The following SLC9A9 variants were observed in gnomAD, a reference collection of about 807,000 sequenced individuals.
SLC9A9 encodes the protein solute carrier family 9 member A9.
In SLC9A9, 62 loss-of-function variants were observed where a neutral mutation model predicts 77.8. The observed-to-expected ratio is 0.80, with a 90% confidence interval of 0.65 to 0.98. The LOEUF (loss-of-function observed/expected upper bound fraction) is 0.98, where lower values mean the gene tolerates loss of function less well. Ranked by LOEUF, SLC9A9 falls within the 50% of genes least tolerant of loss-of-function variation. The probability of loss-of-function intolerance (pLI) is 0.00; values close to 1 mark genes in which losing one functional copy is unlikely to be tolerated. For synonymous variants in SLC9A9, 320 were observed against 283.5 expected (o/e 1.13, Z -1.29); for missense variants, 775 against 774.9 (o/e 1.00, Z 0.00).
At chr3:143,517,490 A>G in intron 9 of SLC9A9, 2 of 1,597,632 alleles carry the variant, frequency 1.3e-6, no homozygotes, top group Admixed American at 1.7e-5. Flanking sequence ...TCTTTCTTTG[A>G]TCTCTCGCTC....
chr3:143,774,160 G>A (rs2108842173), intron 4 of SLC9A9, among the ~76,000 whole-genome samples: 1 of 152,210 alleles, frequency 6.6e-6, no homozygotes, highest in Middle Eastern at 3.4e-3. Context: ...ATGCTACTAC[G>A]TAGCATCCAT....
chr3:143,589,664 T>C (rs2108676900), intron 6 of SLC9A9, among the ~76,000 whole-genome samples: 1 of 152,346 alleles, frequency 6.6e-6, no homozygotes, highest in South Asian at 2.1e-4. Context: ...AAGCATTTCT[T>C]AGAATATATC....
intron 14 of SLC9A9, among the ~76,000 whole-genome samples, chr3:143,358,151 C>A (rs928460757): frequency 1.1e-4 from 16 of 151,860 alleles, no homozygotes; most frequent in Admixed American, 5.2e-4. Context: ...GATTCCCAGT[C>A]TGCCTTAGCC....
Position 143,412,415 on chromosome 3 carries a change from T to C in SLC9A9, c.1470-30301A>G, listed in dbSNP as rs192882500. ...ACACCCTCAGTGGCCCTGCACCTTC[T>C]ACAGCACAGCATCTGACCACTAATG... On this transcript the variant is annotated intron_variant, in intron 12 of 15. Coordinates refer to ENST00000316549, the MANE Select transcript of SLC9A9 (RefSeq NM_173653.4). Among the ~76,000 whole-genome samples the C allele has an allele frequency of 2.3e-4, 35 of 152,286 alleles. No homozygotes were observed. The East Asian group carries it at 6.8e-3, about 29-fold the overall frequency.
intron 4 of SLC9A9, among the ~76,000 whole-genome samples, chr3:143,716,372 C>CA (rs1553784147): frequency 7.0e-6 from 1 of 142,118 alleles, no homozygotes; most frequent in Non-Finnish European, 1.5e-5. Context: ...CTGCACCTGG[C>CA]TTTTTTTTAT....
At chr3:143,606,415 T>C (rs1404527211) in intron 6 of SLC9A9, among the ~76,000 whole-genome samples, 17 of 66,032 alleles carry the variant, frequency 2.6e-4, no homozygotes, top group Non-Finnish European at 3.9e-4. Flanking sequence ...TCTCTCTCTC[T>C]CTCTCTCTCT....
intron 12 of SLC9A9, among the ~76,000 whole-genome samples, chr3:143,445,691 A>G (rs1257430740): frequency 1.3e-5 from 2 of 152,158 alleles, no homozygotes; most frequent in Non-Finnish European, 2.9e-5. Context: ...ATGGTTGTAA[A>G]CCATTGTGAT....
intron 14 of SLC9A9, among the ~76,000 whole-genome samples, chr3:143,339,440 G>A (rs796292753): frequency 8.5e-5 from 13 of 152,250 alleles, no homozygotes; most frequent in African/African-American, 3.1e-4. Flanking sequence ...CCTTGGTTGA[G>A]GATTTTCTCT....
rs149039278 is a variant in SLC9A9, at chr3:143,774,952, C to T, written c.533+20049G>A. 1.1e-4 allele frequency among the ~76,000 whole-genome samples: 17 copies of T among 152,234 alleles called. 1 individual carries two copies. In the South Asian group the frequency reaches 1.7e-3, roughly 15 times the overall value. ...CTAATCCCACAGTAGTGCTCCACCACGAACCTTTGTCTTCACCTGGCATAG... is the reference window on the plus strand; with the variant it reads ...CTAATCCCACAGTAGTGCTCCACCATGAACCTTTGTCTTCACCTGGCATAG... On this transcript the variant is annotated intron_variant, in intron 4 of 15. Coordinates refer to ENST00000316549, the MANE Select transcript of SLC9A9 (RefSeq NM_173653.4).
chr3:143,792,389 C>A (rs1223335022), intron 4 of SLC9A9, among the ~76,000 whole-genome samples: 1 of 152,144 alleles, frequency 6.6e-6, no homozygotes, highest in Non-Finnish European at 1.5e-5. Context: ...AAAGTAAATT[C>A]TTGTTTCTTA....
intron 4 of SLC9A9, among the ~76,000 whole-genome samples, chr3:143,702,202 A>G (rs900609881): frequency 1.3e-5 from 2 of 152,190 alleles, no homozygotes; most frequent in Non-Finnish European, 2.9e-5. Flanking sequence ...AGATGTTAAT[A>G]AGCAATAAAT....
At chr3:143,665,067 T>C (rs929066147) in intron 5 of SLC9A9, among the ~76,000 whole-genome samples, 6 of 152,200 alleles carry the variant, frequency 3.9e-5, no homozygotes, top group Non-Finnish European at 8.8e-5. Flanking sequence ...TATTCCAAAA[T>C]TGACCACATA....
chr3:143,440,208 A>G (rs1054430764), intron 12 of SLC9A9, among the ~76,000 whole-genome samples: 2 of 152,122 alleles, frequency 1.3e-5, no homozygotes, highest in Non-Finnish European at 2.9e-5. Context: ...CCACCTAGGG[A>G]TTTTACAAGT....
intron 4 of SLC9A9, among the ~76,000 whole-genome samples, chr3:143,758,120 T>C (rs368066902): frequency 2.0e-5 from 3 of 152,200 alleles, no homozygotes; most frequent in Non-Finnish European, 4.4e-5. Flanking sequence ...CCCGTCTTAA[T>C]GACTATCATT....
chr3:143,297,372 C>T (rs1160210947), intron 14 of SLC9A9, among the ~76,000 whole-genome samples: 1 of 152,070 alleles, frequency 6.6e-6, no homozygotes, highest in East Asian at 1.9e-4. Flanking sequence ...GGAGCAGAAG[C>T]TCTCTATTTT....
intron 9 of SLC9A9, chr3:143,503,265 G>A (rs17578663): frequency 0.025 from 6,026 of 243,122 alleles, 103 homozygotes; most frequent in Middle Eastern, 0.036. Flanking sequence ...CTGTCACTGG[G>A]GCTGGTGGTC....
chr3:143,834,931 C>T (rs2009531636), intron 1 of SLC9A9, among the ~76,000 whole-genome samples: 1 of 152,166 alleles, frequency 6.6e-6, no homozygotes, highest in South Asian at 2.1e-4. Flanking sequence ...CTCAGCTTCT[C>T]TGCTCTGGAA....
At chr3:143,668,044 T>G (rs928453162) in intron 5 of SLC9A9, among the ~76,000 whole-genome samples, 43 of 152,332 alleles carry the variant, frequency 2.8e-4, no homozygotes, top group African/African-American at 8.9e-4. Flanking sequence ...GTATGTTTAT[T>G]GTGGCACTAT....
At chr3:143,766,787 T>C (rs1288109001) in intron 4 of SLC9A9, among the ~76,000 whole-genome samples, 1 of 152,186 alleles carries the variant, frequency 6.6e-6, no homozygotes, top group East Asian at 1.9e-4. Context: ...TTGGCCAGGC[T>C]GGTCTAGAAC....
Sources: allele counts gnomAD v4.1 joint callset (sites outside exome capture counted in the v4.1 genomes callset), GRCh38; gene constraint gnomAD v4.1.1; transcripts MANE v1.5; gene names NCBI Gene and HGNC (gene_info 2026-07-23, HGNC 2026-07-21).